Variants in EDA observed in about 807,000 individuals in gnomAD.
EDA encodes the protein ectodysplasin-A.
In EDA, 2 loss-of-function variants were observed where a neutral mutation model predicts 23.6. That is an observed-to-expected ratio of 0.08 (90% CI 0.03 to 0.27). The LOEUF (loss-of-function observed/expected upper bound fraction) is 0.27. Ranked by LOEUF, EDA falls within the 10% of genes least tolerant of loss-of-function variation. EDA has a pLI of 1.00. For missense variants in EDA, 229 were observed against 324.2 expected (o/e 0.71, Z 2.26); for synonymous variants, 131 against 132.0 (o/e 0.99, Z 0.05).
chrX:69,991,996 A>C (rs1405650623), intron 2 of EDA, among the ~76,000 whole-genome samples: 1 of 112,133 alleles, frequency 8.9e-6, no homozygotes, highest in Non-Finnish European at 1.9e-5. Flanking sequence ...TTGTATTAAT[A>C]GTTACTTTAA....
At chrX:69,850,619 A>G (rs1184132379) in intron 1 of EDA, among the ~76,000 whole-genome samples, 1 of 111,969 alleles carries the variant, frequency 8.9e-6, no homozygotes, top group African/African-American at 3.2e-5. Context: ...TCTGCTTCCA[A>G]TATATATTCC....
intron 1 of EDA, among the ~76,000 whole-genome samples, chrX:69,851,725 C>A (rs1421497866): frequency 8.9e-6 from 1 of 111,840 alleles, no homozygotes; most frequent in Non-Finnish European, 1.9e-5. Flanking sequence ...GAAATGAAGG[C>A]AGAGAATGAT....
intron 1 of EDA, among the ~76,000 whole-genome samples, chrX:69,670,822 A>G (rs940884710): frequency 3.6e-5 from 4 of 111,316 alleles, no homozygotes; most frequent in Non-Finnish European, 7.5e-5. Context: ...TTATTCTCCA[A>G]TTTCATTGAA....
chrX:69,781,647 A>G (rs2014947995), intron 1 of EDA, among the ~76,000 whole-genome samples: 1 of 111,558 alleles, frequency 9.0e-6, no homozygotes, highest in African/African-American at 3.2e-5. Flanking sequence ...TATGCTAATT[A>G]CAGGAATTAG....
intron 1 of EDA, among the ~76,000 whole-genome samples, chrX:69,621,763 CAG>C (rs1283814903): frequency 9.0e-6 from 1 of 110,964 alleles, no homozygotes; most frequent in African/African-American, 3.3e-5. Context: ...GTGTGTGAGA[CAG>C]AGTCTTGCTC....
chrX:69,616,266 C>T lies in EDA; in HGVS notation c.-43C>T. The stretch of plus-strand genomic sequence containing the variant: ...AGGTCGTGAACGGCTGAGGCAGACG[C>T]AGCGGCTCCCGGGCCTCAAGAGAGT... On this transcript the variant is annotated 5_prime_UTR_variant, in exon 1 of 8. Transcript: ENST00000374552. The T allele has an allele frequency of 3.5e-6, 4 of 1,155,839 alleles. No individual in the cohort carries two copies. The highest frequency in any genetic ancestry group is 4.6e-6 in the Non-Finnish European group (4 of 872,377).
In EDA at chrX:70,035,434, G is replaced by A. The variant is rs142948132; in HGVS notation, c.1001G>A (p.Arg334His). ...VDEKPFLQCT[R>H]SIETGKTNYN... ...GAGAAGCCCTTCCTGCAGTGCACAC[G>A]CAGCATCGAGACGGGCAAGACCAAC... Residue 334 changes from arginine (R) to histidine (H), a missense_variant, in exon 8 of 8, where the codon CGC becomes CAC. By Grantham distance (29) the Arg-to-His change is conservative (BLOSUM62 0). This residue lies in a region of EDA where 175 missense variants were observed against 281.8 expected (regional missense o/e 0.62). Coordinates refer to ENST00000374552, the MANE Select transcript of EDA (RefSeq NM_001399.5). The A allele has an allele frequency of 3.8e-4, 461 of 1,207,703 alleles. 4 individuals carry two copies. The East Asian group carries it at 6.0e-3, about 16-fold the overall frequency.
intron 1 of EDA, among the ~76,000 whole-genome samples, chrX:69,732,757 A>C (rs774850112): frequency 1.8e-5 from 2 of 111,765 alleles, no homozygotes; most frequent in African/African-American, 6.5e-5. Context: ...CCTCTCCAGC[A>C]CCTGTTGTTT....
intron 1 of EDA, among the ~76,000 whole-genome samples, chrX:69,665,074 A>T (rs1225834497): frequency 7.2e-5 from 8 of 111,573 alleles, no homozygotes; most frequent in Non-Finnish European, 1.5e-4. Flanking sequence ...GATGTAGAGC[A>T]TTTTTTCATA....
chrX:69,732,974 A>G (rs2013098728), intron 1 of EDA, among the ~76,000 whole-genome samples: 1 of 109,784 alleles, frequency 9.1e-6, no homozygotes, highest in African/African-American at 3.3e-5. Context: ...AAATTTGTTT[A>G]AATTCTTCAT....
At chrX:69,895,603 T>C (rs745464757) in intron 1 of EDA, among the ~76,000 whole-genome samples, 1 of 111,797 alleles carries the variant, frequency 8.9e-6, no homozygotes, top group South Asian at 3.8e-4. Context: ...AAATAAAAAA[T>C]CCTACATTAT....
intron 1 of EDA, among the ~76,000 whole-genome samples, chrX:69,792,582 A>T (rs780984781): frequency 8.9e-6 from 1 of 112,331 alleles, no homozygotes; most frequent in East Asian, 2.8e-4. Flanking sequence ...TTACATTCCC[A>T]CTAGCAGTCT....
chrX:69,706,477 C>T (rs1040549363), intron 1 of EDA, among the ~76,000 whole-genome samples: 3 of 111,658 alleles, frequency 2.7e-5, no homozygotes, highest in Non-Finnish European at 3.8e-5. Context: ...CACCATGACC[C>T]GTGACACAGC....
rs1401459913 is a variant in EDA at position 69,679,002 on chromosome X, A to C, written c.396+62298A>C. Among the ~76,000 whole-genome samples the C allele has an allele frequency of 2.1e-3, 195 of 93,153 alleles. 1 individual carries two copies. Among genetic ancestry groups the C allele is most frequent in the Non-Finnish European group, 3.2e-3 (153 of 48,072 alleles). 80.9% of individuals were successfully genotyped at this position (93,153 alleles called of 115,157 possible). On this transcript the variant is annotated intron_variant, in intron 1 of 7. Transcript: ENST00000374552. ...TTATTTTGAAATACGTCCCATCAAT[A>C]CCTAATTTATTGAGAGTTTTTAGCA...
At chrX:69,712,471 C>T (rs1405793083) in intron 1 of EDA, among the ~76,000 whole-genome samples, 1 of 111,681 alleles carries the variant, frequency 9.0e-6, no homozygotes, top group South Asian at 3.8e-4. Context: ...TGCTCATCAT[C>T]ACTGGCCATC....
intron 1 of EDA, among the ~76,000 whole-genome samples, chrX:69,653,422 C>A (rs1220646976): frequency 9.0e-6 from 1 of 111,398 alleles, no homozygotes; most frequent in Non-Finnish European, 1.9e-5. Context: ...CATCTGCAAA[C>A]AGGGACAATT....
At chrX:70,009,125 C>A (rs1261348423) in intron 2 of EDA, among the ~76,000 whole-genome samples, 1 of 111,454 alleles carries the variant, frequency 9.0e-6, no homozygotes, top group African/African-American at 3.3e-5. Flanking sequence ...ATAGTGATGG[C>A]AGCCCCTCTG....
At chrX:69,755,135 G>A (rs1016101048) in intron 1 of EDA, among the ~76,000 whole-genome samples, 6 of 111,714 alleles carry the variant, frequency 5.4e-5, no homozygotes, top group South Asian at 7.5e-4. Context: ...GAGAAGAGGC[G>A]CTCTGATTTT....
At chrX:69,935,270 T>C (rs964058897) in intron 1 of EDA, among the ~76,000 whole-genome samples, 4 of 109,741 alleles carry the variant, frequency 3.6e-5, no homozygotes, top group Middle Eastern at 4.6e-3. Context: ...AGACATCTCT[T>C]TGATATACCG....
Sources: allele counts gnomAD v4.1 joint callset (sites outside exome capture counted in the v4.1 genomes callset), GRCh38; gene constraint gnomAD v4.1.1; regional missense constraint gnomAD v4.1.1; transcripts MANE v1.5; gene names NCBI Gene and HGNC (gene_info 2026-07-23, HGNC 2026-07-21).